MDFIC: variants seen among roughly 807,000 people sequenced by gnomAD.
MDFIC encodes the protein MyoD family inhibitor domain containing.
MDFIC carries 17 observed loss-of-function variants against 23.2 expected under a neutral mutation model. The ratio of observed to expected loss-of-function variants is 0.73; its 90% CI spans 0.50 to 1.10. The LOEUF is 1.10. MDFIC is among the 50% of genes least tolerant of loss of function. The probability of loss-of-function intolerance (pLI) is 0.00; values close to 1 mark genes in which losing one functional copy is unlikely to be tolerated. For missense variants in MDFIC, 356 were observed against 316.6 expected (o/e 1.12, Z -0.95); for synonymous variants, 120 against 115.2 (o/e 1.04, Z -0.27).
At chr7:114,995,618 C>G (rs1287119889) in intron 4 of MDFIC, among the ~76,000 whole-genome samples, 3 of 152,258 alleles carry the variant, frequency 2.0e-5, no homozygotes, top group African/African-American at 4.8e-5. Context: ...CACTCCAGAC[C>G]CTGTTTGCCT....
intron 3 of MDFIC, among the ~76,000 whole-genome samples, chr7:114,966,528 G>A (rs1041324017): frequency 6.6e-5 from 10 of 151,844 alleles, no homozygotes; most frequent in African/African-American, 1.9e-4. Context: ...CCTGCACTTC[G>A]GGCTGATGAG....
intron 4 of MDFIC, among the ~76,000 whole-genome samples, chr7:115,009,892 G>C (rs1299647356): frequency 6.6e-6 from 1 of 152,156 alleles, no homozygotes; most frequent in Non-Finnish European, 1.5e-5. Context: ...TAAATTTACA[G>C]TAGCTGCCAG....
chr7:114,927,455 C>T (rs12706003), intron 2 of MDFIC, among the ~76,000 whole-genome samples: 121,977 of 151,666 alleles, frequency 0.8, 51,113 homozygotes, highest in Non-Finnish European at 0.92. Context: ...TTTTGTCATA[C>T]GCTTCAATTC....
In MDFIC at chr7:114,923,084, C is replaced by A; in HGVS notation, c.51C>A (p.Arg17=). 1 of 1,438,278 alleles carries A rather than the reference C, an allele frequency of 7.0e-7. No individual in the cohort carries two copies. The allele number at this position is 1,438,278 out of a possible 1,614,324, so 89.1% of individuals were successfully genotyped here. ...CTCCCGGGCCCGTGGGGCCGCAGCG[C>A]GTGGCCGAGGCGGGCGGCGGCCAGC... ...ALAPGPVGPQ[R]VAEAGGGQLG... is the part of the protein sequence containing the mutation. The change falls in exon 2 of 5, where the codon CGC becomes CGA. Residue 17 remains arginine (R), a synonymous_variant. Transcript: ENST00000393486.
At chr7:114,927,890 A>T (rs1460761642) in intron 2 of MDFIC, among the ~76,000 whole-genome samples, 1 of 152,242 alleles carries the variant, frequency 6.6e-6, no homozygotes. Flanking sequence ...CTATTATAAA[A>T]CTGGCAGCAA....
rs148786204 is a variant in MDFIC at position 115,002,636 on chromosome 7, G to A, written c.494-13052G>A. ...CTCCCTCCCCCTCAGGGGAAGAAGA[G>A]GCCATCCAGCTTTTCCTCAGGGTCT... On this transcript the variant is annotated intron_variant, in intron 4 of 4. Coordinates refer to ENST00000393486, the MANE Select transcript of MDFIC (RefSeq NM_001166345.3). Among the ~76,000 whole-genome samples, 23 of 152,306 alleles carry A rather than the reference G, an allele frequency of 1.5e-4. No individual in the cohort carries two copies. The East Asian group carries it at 4.1e-3, about 27-fold the overall frequency.
At chr7:115,013,449 T>C (rs117482658) in intron 4 of MDFIC, among the ~76,000 whole-genome samples, 16 of 152,338 alleles carry the variant, frequency 1.1e-4, no homozygotes, top group African/African-American at 1.7e-4. Flanking sequence ...AATCAATAAC[T>C]ACTCTTAGGC....
intron 4 of MDFIC, among the ~76,000 whole-genome samples, chr7:114,981,790 G>T (rs1028429381): frequency 6.6e-6 from 1 of 152,086 alleles, no homozygotes; most frequent in Non-Finnish European, 1.5e-5. Flanking sequence ...TTTTCTCAAA[G>T]TTCGATATCT....
At chr7:114,927,858 A>G (rs923545167) in intron 2 of MDFIC, among the ~76,000 whole-genome samples, 4 of 152,216 alleles carry the variant, frequency 2.6e-5, no homozygotes, top group African/African-American at 4.8e-5. Flanking sequence ...TGTGCTTTTA[A>G]TGGTAACTCA....
intron 4 of MDFIC, among the ~76,000 whole-genome samples, chr7:114,992,125 G>A (rs931340476): frequency 5.3e-5 from 8 of 152,164 alleles, no homozygotes; most frequent in East Asian, 1.9e-4. Flanking sequence ...GTGAATGGGA[G>A]TTCACTCATG....
intron 3 of MDFIC, among the ~76,000 whole-genome samples, chr7:114,977,882 T>C (rs1793346293): frequency 6.8e-6 from 1 of 147,984 alleles, no homozygotes; most frequent in South Asian, 2.1e-4. Flanking sequence ...AACATTTATA[T>C]AATTAATTAT....
chr7:114,936,658 A>G (rs1296055427), intron 2 of MDFIC, among the ~76,000 whole-genome samples: 2 of 152,174 alleles, frequency 1.3e-5, no homozygotes, highest in Non-Finnish European at 2.9e-5. Flanking sequence ...AAGGCTGAGT[A>G]TTGCGATAGA....
intron 2 of MDFIC, among the ~76,000 whole-genome samples, chr7:114,929,796 A>G (rs914329096): frequency 6.6e-6 from 1 of 152,114 alleles, no homozygotes; most frequent in African/African-American, 2.4e-5. Context: ...AGTTAGAGAG[A>G]AAATGAAGAT....
At chr7:114,926,869 A>G (rs1229001031) in intron 2 of MDFIC, among the ~76,000 whole-genome samples, 1 of 152,126 alleles carries the variant, frequency 6.6e-6, no homozygotes, top group Non-Finnish European at 1.5e-5. Flanking sequence ...TATTTTTATC[A>G]TATTATTTTA....
At position 115,013,182 on chromosome 7, in the gene MDFIC, G is replaced by A. The variant is rs576132698; in HGVS notation, c.494-2506G>A. The stretch of plus-strand genomic sequence containing the variant: ...CCATTCTGATATATTTTTTAGGGGT[G>A]TGTACACATGTACTGCTGTGAAAAA... On this transcript the variant is annotated intron_variant, in intron 4 of 4. Transcript: ENST00000393486. Among the ~76,000 whole-genome samples the A allele has an allele frequency of 5.3e-5, 8 of 152,196 alleles. No homozygotes were observed. In the East Asian group the frequency reaches 1.5e-3, roughly 29 times the overall value.
chr7:115,014,484 G>A, intron 4 of MDFIC: 1 of 1,289,700 alleles, frequency 7.8e-7, no homozygotes, highest in Non-Finnish European at 1.0e-6. Flanking sequence ...TCCATCGAAG[G>A]CACTTAATTT....
At chr7:114,939,419 C>G (rs1792494946) in intron 2 of MDFIC, among the ~76,000 whole-genome samples, 1 of 152,194 alleles carries the variant, frequency 6.6e-6, no homozygotes. Flanking sequence ...ATATTATTTA[C>G]TATTCATTGA....
intron 4 of MDFIC, among the ~76,000 whole-genome samples, chr7:114,986,729 C>T (rs1258938873): frequency 3.3e-5 from 5 of 152,246 alleles, no homozygotes; most frequent in Non-Finnish European, 5.9e-5. Context: ...CAGAACTCAT[C>T]TTAGTCATCA....
intron 2 of MDFIC, among the ~76,000 whole-genome samples, chr7:114,937,784 C>T (rs528533408): frequency 6.6e-6 from 1 of 152,260 alleles, no homozygotes; most frequent in African/African-American, 2.4e-5. Flanking sequence ...CCAGAGTAAA[C>T]ATACTAGGAT....
Sources: gnomAD v4.1 joint callset for allele counts (sites outside exome capture counted in the v4.1 genomes callset) on GRCh38, gnomAD v4.1.1 for gene constraint, MANE v1.5 for transcripts, NCBI Gene and HGNC (gene_info 2026-07-23, HGNC 2026-07-21) for gene names.